The following ADAMTS17 variants were observed in gnomAD, a reference collection of about 807,000 sequenced individuals.
The protein encoded by ADAMTS17 is ADAM metallopeptidase with thrombospondin type 1 motif 17, also known as A disintegrin and metalloproteinase with thrombospondin motifs 17.
In ADAMTS17, 113 loss-of-function variants were observed where a neutral mutation model predicts 141.5. The observed-to-expected ratio is 0.80, with a 90% CI of 0.69 to 0.93. The LOEUF (loss-of-function observed/expected upper bound fraction) is 0.93. Ranked by LOEUF, ADAMTS17 falls within the 40% of genes least tolerant of loss-of-function variation. ADAMTS17 has a pLI of 0.00. For synonymous variants in ADAMTS17, 768 were observed against 630.6 expected (o/e 1.22, Z -3.27); for missense variants, 1,659 against 1,517.9 (o/e 1.09, Z -1.54).
At chr15:99,977,349 CATATATATATATATATAT>C (rs71151927) in intron 20 of ADAMTS17, among the ~76,000 whole-genome samples, 18 of 30,332 alleles carry the variant, frequency 5.9e-4, no homozygotes, top group South Asian at 2.3e-3. Flanking sequence ...CCCTCCTCTT[CATATATATATATATATAT>C]ATATATATAT....
chr15:100,202,354 G>C (rs1180978429), intron 7 of ADAMTS17, among the ~76,000 whole-genome samples: 1 of 152,150 alleles, frequency 6.6e-6, no homozygotes, highest in East Asian at 1.9e-4. Flanking sequence ...TACAAGAAAT[G>C]CTCTTGCACA....
At chr15:100,084,852 T>A (rs1054732356) in intron 15 of ADAMTS17, among the ~76,000 whole-genome samples, 11 of 152,006 alleles carry the variant, frequency 7.2e-5, no homozygotes, top group Non-Finnish European at 1.2e-4. Flanking sequence ...TACATCACCA[T>A]CATCAAAGAC....
intron 18 of ADAMTS17, among the ~76,000 whole-genome samples, chr15:100,047,473 C>G (rs1020203982): frequency 1.9e-4 from 29 of 151,898 alleles, no homozygotes; most frequent in African/African-American, 6.5e-4. Flanking sequence ...GATGTCTCCC[C>G]CGGATGCCCA....
In ADAMTS17 at chr15:99,971,762, G is replaced by C. The variant is rs142112505; in HGVS notation, c.*2640C>G. 6.6e-6 allele frequency: 1 copy of C among 152,364 alleles called. No homozygotes were observed. Among genetic ancestry groups the C allele is most frequent in the Non-Finnish European group, 1.5e-5 (1 of 68,048 alleles). The allele number at this position is 152,364 out of a possible 1,614,324, so 9.4% of individuals were successfully genotyped here. Reference sequence around the variant, plus strand: ...GCACCAATAAAAATAGCACCGTAGGGTCGTGAGACTCTGGTAACACGTGCG... The same window carrying C: ...GCACCAATAAAAATAGCACCGTAGGCTCGTGAGACTCTGGTAACACGTGCG... On this transcript the variant is annotated 3_prime_UTR_variant, in exon 22 of 22. Coordinates refer to ENST00000268070, the MANE Select transcript of ADAMTS17 (RefSeq NM_139057.4).
chr15:99,992,021 G>C (rs557262837), intron 20 of ADAMTS17, among the ~76,000 whole-genome samples: 28 of 151,974 alleles, frequency 1.8e-4, no homozygotes, highest in Non-Finnish European at 1.9e-4. Flanking sequence ...AGGGACTGTC[G>C]TAGGGTGGGG....
intron 7 of ADAMTS17, among the ~76,000 whole-genome samples, chr15:100,241,496 G>C (rs1022973799): frequency 6.6e-6 from 1 of 152,208 alleles, no homozygotes; most frequent in African/African-American, 2.4e-5. Context: ...TCAAATCTCA[G>C]TGTCTCAACA....
At chr15:100,148,252 TG>T (rs1186468447) in intron 10 of ADAMTS17, among the ~76,000 whole-genome samples, 1 of 152,262 alleles carries the variant, frequency 6.6e-6, no homozygotes, top group African/African-American at 2.4e-5. Flanking sequence ...AAAACACAGT[TG>T]TTTAAATGAT....
intron 3 of ADAMTS17, among the ~76,000 whole-genome samples, chr15:100,314,023 C>T (rs12904939): frequency 6.4e-5 from 9 of 141,586 alleles, no homozygotes; most frequent in African/African-American, 1.6e-4. Context: ...GACAAAACCA[C>T]CCCAAACGTC....
intron 4 of ADAMTS17, among the ~76,000 whole-genome samples, chr15:100,266,929 C>T (rs1049533290): frequency 1.2e-4 from 18 of 152,184 alleles, no homozygotes; most frequent in African/African-American, 4.1e-4. Flanking sequence ...GCAAGGGTCC[C>T]TAGCACACAC....
At position 100,152,667 on chromosome 15, in the gene ADAMTS17, T is replaced by A; in HGVS notation, c.1418A>T (p.Asn473Ile). The change falls in exon 10 of 22, where the codon AAC becomes ATC. Residue 473 changes from asparagine to isoleucine, a missense_variant. Coordinates refer to ENST00000268070, the MANE Select transcript of ADAMTS17 (RefSeq NM_139057.4). Reference protein sequence around the residue: ...HKLPGMHYSANEQCQILFGMN... With the variant: ...HKLPGMHYSAIEQCQILFGMN... Reference sequence around the variant, plus strand: ...GCCAAACAGGATCTGGCACTGCTCGTTGGCACTGTAGTGCATGCCCGGCAG... The same window carrying A: ...GCCAAACAGGATCTGGCACTGCTCGATGGCACTGTAGTGCATGCCCGGCAG... 1 of 1,614,198 alleles carries A rather than the reference T, an allele frequency of 6.2e-7. No homozygotes were observed. The highest frequency in any genetic ancestry group is 8.5e-7 in the Non-Finnish European group (1 of 1,180,032).
intron 15 of ADAMTS17, among the ~76,000 whole-genome samples, chr15:100,068,224 C>T (rs1408928265): frequency 6.6e-6 from 1 of 152,176 alleles, no homozygotes; most frequent in Non-Finnish European, 1.5e-5. Context: ...CGCCATTGTC[C>T]AGGCTTGAGT....
chr15:100,296,498 T>C (rs1473310666), intron 3 of ADAMTS17, among the ~76,000 whole-genome samples: 1 of 152,228 alleles, frequency 6.6e-6, no homozygotes, highest in Non-Finnish European at 1.5e-5. Flanking sequence ...AAGTCATTTT[T>C]ATAAAAGGCA....
At chr15:100,298,237 A>G (rs2044893778) in intron 3 of ADAMTS17, among the ~76,000 whole-genome samples, 1 of 152,068 alleles carries the variant, frequency 6.6e-6, no homozygotes, top group Non-Finnish European at 1.5e-5. Flanking sequence ...TGAAACATAA[A>G]ATGAAGAAAC....
intron 15 of ADAMTS17, among the ~76,000 whole-genome samples, chr15:100,060,834 A>G (rs1214398649): frequency 6.6e-6 from 1 of 152,250 alleles, no homozygotes; most frequent in African/African-American, 2.4e-5. Context: ...AATTGCTCCC[A>G]GCAAATGTGA....
At chr15:99,986,700 A>G (rs1440658639) in intron 20 of ADAMTS17, among the ~76,000 whole-genome samples, 1 of 152,182 alleles carries the variant, frequency 6.6e-6, no homozygotes, top group Non-Finnish European at 1.5e-5. Context: ...TTCATTGGAA[A>G]CATCCCATCA....
intron 8 of ADAMTS17, among the ~76,000 whole-genome samples, chr15:100,167,176 A>G (rs2039982617): frequency 1.3e-5 from 2 of 152,166 alleles, no homozygotes; most frequent in Admixed American, 6.5e-5. Flanking sequence ...TGAGAACCTG[A>G]TTGGCTAACT....
intron 8 of ADAMTS17, among the ~76,000 whole-genome samples, chr15:100,191,260 C>G (rs971083426): frequency 2.6e-5 from 4 of 152,234 alleles, no homozygotes; most frequent in African/African-American, 9.6e-5. Flanking sequence ...GCGTGTGTAA[C>G]CTGCCTTATT....
chr15:100,282,728 A>G (rs2044325517), intron 3 of ADAMTS17, among the ~76,000 whole-genome samples: 1 of 147,528 alleles, frequency 6.8e-6, no homozygotes, highest in African/African-American at 2.5e-5. Context: ...AAATGGCTAT[A>G]CAACACAATT....
intron 10 of ADAMTS17, among the ~76,000 whole-genome samples, chr15:100,137,338 C>A (rs919284238): frequency 6.6e-6 from 1 of 152,178 alleles, no homozygotes; most frequent in South Asian, 2.1e-4. Flanking sequence ...ACATCAATGT[C>A]TTTATCTTTT....
Sources: allele counts gnomAD v4.1 joint callset (sites outside exome capture counted in the v4.1 genomes callset), GRCh38; gene constraint gnomAD v4.1.1; transcripts MANE v1.5; gene names NCBI Gene and HGNC (gene_info 2026-07-23, HGNC 2026-07-21).